GAB2: variants seen among roughly 807,000 people sequenced by gnomAD.
GAB2 encodes the protein GRB2-associated-binding protein 2.
Under a neutral mutation model 65.5 loss-of-function variants are expected in GAB2, and 26 were observed. The observed-to-expected ratio is 0.40, with a 90% CI of 0.29 to 0.55. The LOEUF is 0.55. Among genes scored for constraint, GAB2 ranks in the 20% least tolerant of loss-of-function variants. The pLI is 0.53. For missense variants in GAB2, 884 were observed against 875.8 expected (o/e 1.01, Z -0.12); for synonymous variants, 321 against 329.6 (o/e 0.97, Z 0.28).
chr11:78,351,004 G>A (rs1856268995), intron 1 of GAB2, among the ~76,000 whole-genome samples: 1 of 152,158 alleles, frequency 6.6e-6, no homozygotes, highest in African/African-American at 2.4e-5. Flanking sequence ...AGGAAGTCGT[G>A]GAAGAAGCTT....
At chr11:78,361,544 A>G (rs1259409037) in intron 1 of GAB2, among the ~76,000 whole-genome samples, 1 of 152,230 alleles carries the variant, frequency 6.6e-6, no homozygotes, top group Non-Finnish European at 1.5e-5. Context: ...AAGAGCTCCT[A>G]CAAATCAGTA....
intron 1 of GAB2, among the ~76,000 whole-genome samples, chr11:78,297,599 G>A (rs1382673847): frequency 6.6e-6 from 1 of 152,044 alleles, no homozygotes; most frequent in African/African-American, 2.4e-5. Flanking sequence ...AAGAGGAAGC[G>A]AGCTTGGGTT....
intron 2 of GAB2, among the ~76,000 whole-genome samples, chr11:78,256,664 T>G (rs1436006675): frequency 6.6e-6 from 1 of 152,244 alleles, no homozygotes. Context: ...TATTGGAGGA[T>G]AATCTCTAGC....
chr11:78,382,860 G>A (rs959678124), intron 1 of GAB2, among the ~76,000 whole-genome samples: 18 of 152,212 alleles, frequency 1.2e-4, no homozygotes, highest in African/African-American at 4.3e-4. Flanking sequence ...AGTATGAGAT[G>A]AAAACTAGAG....
chr11:78,360,865 AAACAAC>A (rs572520217), intron 1 of GAB2, among the ~76,000 whole-genome samples: 159 of 152,130 alleles, frequency 1.0e-3, no homozygotes, highest in Admixed American at 3.7e-3. Flanking sequence ...TCTCAAAGAA[AAACAAC>A]AACAACAACA....
At chr11:78,294,988 C>T (rs908904116) in intron 1 of GAB2, among the ~76,000 whole-genome samples, 3 of 152,146 alleles carry the variant, frequency 2.0e-5, no homozygotes, top group Non-Finnish European at 4.4e-5. Context: ...GCAATCTACT[C>T]ATCTGACAAA....
At chr11:78,244,033 A>G (rs1865219895) in intron 3 of GAB2, among the ~76,000 whole-genome samples, 1 of 152,132 alleles carries the variant, frequency 6.6e-6, no homozygotes, top group Admixed American at 6.6e-5. Context: ...ATCAAAAGCA[A>G]AAACAAAAAA....
At chr11:78,325,975 G>A (rs1383488708) in intron 1 of GAB2, among the ~76,000 whole-genome samples, 1 of 152,156 alleles carries the variant, frequency 6.6e-6, no homozygotes, top group Non-Finnish European at 1.5e-5. Flanking sequence ...CAAACTGTAA[G>A]TCTTCCCTAC....
At chr11:78,392,664 G>A (rs993055019) in intron 1 of GAB2, among the ~76,000 whole-genome samples, 1 of 152,188 alleles carries the variant, frequency 6.6e-6, no homozygotes, top group Non-Finnish European at 1.5e-5. Flanking sequence ...TGGGGGTACT[G>A]GGGAGAACAG....
chr11:78,377,624 C>T (rs940963511), intron 1 of GAB2, among the ~76,000 whole-genome samples: 2 of 152,176 alleles, frequency 1.3e-5, no homozygotes, highest in Admixed American at 6.5e-5. Context: ...GCTTTGGAGA[C>T]AAGTGGACTC....
intron 1 of GAB2, among the ~76,000 whole-genome samples, chr11:78,307,837 G>A (rs977992199): frequency 5.9e-5 from 9 of 152,178 alleles, no homozygotes; most frequent in Non-Finnish European, 1.3e-4. Flanking sequence ...TGGGTTAAGT[G>A]ATACCCAGAT....
chr11:78,245,006 G>T (rs1865257531), intron 3 of GAB2, among the ~76,000 whole-genome samples: 1 of 152,138 alleles, frequency 6.6e-6, no homozygotes, highest in African/African-American at 2.4e-5. Context: ...TGCATCATTA[G>T]TCACGATAGC....
At chr11:78,413,166 AT>A (rs1477590147) in intron 1 of GAB2, among the ~76,000 whole-genome samples, 1 of 152,206 alleles carries the variant, frequency 6.6e-6, no homozygotes, top group Non-Finnish European at 1.5e-5. Context: ...ACAGTTGGAT[AT>A]GTAAGTCTGA....
chr11:78,223,591 A>G lies in GAB2; in HGVS notation c.1388T>C (p.Leu463Ser). ...ATTATCACCTGCTCGTTCCATGGCC[A>G]ACAGGGTGGAAGAACCTGGATTCAT... ...VPMNPGSSTL[L>S]AMERAGDNSQ... Residue 463 changes from leucine to serine, a missense_variant, in exon 6 of 10, where the codon TTG (leucine) becomes TCG (serine). Leu to Ser is a moderately radical substitution (Grantham distance 145). Coordinates refer to ENST00000361507, the MANE Select transcript of GAB2 (RefSeq NM_080491.3). 1 of 1,613,738 alleles carries G rather than the reference A, an allele frequency of 6.2e-7. No homozygotes were observed. Among genetic ancestry groups the G allele is most frequent in the East Asian group, 2.2e-5 (1 of 44,860 alleles).
chr11:78,404,386 T>C (rs575984745), intron 1 of GAB2, among the ~76,000 whole-genome samples: 114 of 151,918 alleles, frequency 7.5e-4, no homozygotes, highest in African/African-American at 2.6e-3. Flanking sequence ...CTGCAAAAAA[T>C]AAAACAAAAA....
At position 78,371,367 on chromosome 11, in the gene GAB2, C is replaced by T. The variant is rs191675909; in HGVS notation, c.75+46279G>A. ...TTGTTGTGAAACGCCAAGTAGGTTG[C>T]TGATCTGTATAATCAGGATATTACA... is the stretch of plus-strand genomic sequence containing the variant. On this transcript the variant is annotated intron_variant, in intron 1 of 9. Coordinates refer to ENST00000361507, the MANE Select transcript of GAB2 (RefSeq NM_080491.3). Among the ~76,000 whole-genome samples the T allele has an allele frequency of 9.2e-4, 140 of 152,312 alleles. 1 individual carries two copies. Among genetic ancestry groups the T allele is most frequent in the African/African-American group, 3.3e-3 (136 of 41,574 alleles).
chr11:78,264,249 C>T (rs1247217024), intron 2 of GAB2, among the ~76,000 whole-genome samples: 1 of 151,840 alleles, frequency 6.6e-6, no homozygotes, highest in Admixed American at 6.6e-5. Context: ...CTCCATAACA[C>T]GATCTCTCTT....
chr11:78,280,947 AGTT>A, intron 1 of GAB2, 46 bp from the exon 2 acceptor site: 1 of 1,506,860 alleles, frequency 6.6e-7, no homozygotes, highest in East Asian at 2.3e-5. Context: ...AGAAGTCATT[AGTT>A]ATTTCAAAGC....
chr11:78,351,119 G>C (rs879138604), intron 1 of GAB2, among the ~76,000 whole-genome samples: 1 of 152,128 alleles, frequency 6.6e-6, no homozygotes, highest in Admixed American at 6.5e-5. Context: ...GAGAACAAGG[G>C]AGCCAGAGTT....
Sources: gnomAD v4.1 joint callset for allele counts (sites outside exome capture counted in the v4.1 genomes callset) on GRCh38, gnomAD v4.1.1 for gene constraint, MANE v1.5 for transcripts, NCBI Gene and HGNC (gene_info 2026-07-23, HGNC 2026-07-21) for gene names.